ISLR2: variants seen among roughly 807,000 people sequenced by gnomAD.
The protein encoded by ISLR2 is immunoglobulin superfamily containing leucine-rich repeat protein 2.
In ISLR2, 16 loss-of-function variants were observed where a neutral mutation model predicts 25.5. The observed-to-expected ratio is 0.63, with a 90% CI of 0.43 to 0.95. The LOEUF (loss-of-function observed/expected upper bound fraction) is 0.95, where lower values mean the gene tolerates loss of function less well. Among genes scored for constraint, ISLR2 ranks in the 40% least tolerant of loss-of-function variants. The pLI, the probability that ISLR2 is intolerant of heterozygous loss-of-function variation, is 0.00. For synonymous variants in ISLR2, 508 were observed against 486.6 expected (o/e 1.04, Z -0.58); for missense variants, 883 against 1,030.7 (o/e 0.86, Z 1.96).
At chr15:74,128,415 C>T (rs1254373401), upstream of ISLR2, 6 of 454,996 alleles carry the variant, frequency 1.3e-5, no homozygotes, top group Non-Finnish European at 2.6e-5. Context: ...CAGGGGTGGT[C>T]ACCGCGTCCT....
downstream of ISLR2, among the ~76,000 whole-genome samples, chr15:74,138,021 G>A (rs537840104): frequency 5.3e-5 from 8 of 151,982 alleles, no homozygotes; most frequent in African/African-American, 1.7e-4. Context: ...AAACACAAGC[G>A]TTCTGTACAT....
intron 2 of ISLR2, among the ~76,000 whole-genome samples, chr15:74,115,933 C>A (rs1159262769): frequency 1.3e-5 from 2 of 150,006 alleles, no homozygotes; most frequent in African/African-American, 4.9e-5. Flanking sequence ...TGCGGTGGCT[C>A]ACACCAGTAA....
chr15:74,130,579 TAGC>T (rs1370007962), upstream of ISLR2: 9 of 152,562 alleles, frequency 5.9e-5, no homozygotes, highest in African/African-American at 2.2e-4. Flanking sequence ...TGCATTCAAT[TAGC>T]AGCGAAGCTC....
At chr15:74,109,588 C>T (rs2141928516) in intron 2 of ISLR2, among the ~76,000 whole-genome samples, 1 of 152,256 alleles carries the variant, frequency 6.6e-6, no homozygotes, top group African/African-American at 2.4e-5. Context: ...TTTACCATTT[C>T]CTTCTATCTG....
Position 74,133,556 on chromosome 15 carries a change from C to T in ISLR2, c.802C>T (p.Pro268Ser), listed in dbSNP as rs757897783. The change falls in exon 3 of 3, where the codon CCT becomes TCT. Residue 268 changes from proline (P) to serine (S), a missense_variant. Around this residue, in one of 2 missense-constraint regions of ISLR2, gnomAD observed 271 missense variants for 387.9 expected, o/e 0.70. Transcript: ENST00000453268. ...CTGCATCGCCGACGGCCACCCTACG[C>T]CTCGCCTGCAATGGCAACTTCAGAT... ...LHCIADGHPT[P>S]RLQWQLQIPG... is the part of the protein sequence containing the mutation. 1 of 1,614,182 alleles carries T rather than the reference C, an allele frequency of 6.2e-7. No homozygotes were observed. Among genetic ancestry groups the T allele is most frequent in the Non-Finnish European group, 8.5e-7 (1 of 1,180,008 alleles).
upstream of ISLR2, chr15:74,130,488 C>G (rs1025224777): frequency 6.6e-6 from 1 of 152,606 alleles, no homozygotes; most frequent in African/African-American, 2.4e-5. Context: ...CCTTCCCCCC[C>G]CACTTCAGCC....
At chr15:74,131,714 G>T (rs559274592) in intron 2 of ISLR2, among the ~76,000 whole-genome samples, 3 of 152,184 alleles carry the variant, frequency 2.0e-5, no homozygotes, top group Non-Finnish European at 4.4e-5. Context: ...AATGGGAGCC[G>T]CCTGAGGGAC....
chr15:74,130,236 G>A (rs1163650224), upstream of ISLR2: 1 of 151,412 alleles, frequency 6.6e-6, no homozygotes, highest in Non-Finnish European at 1.5e-5. Flanking sequence ...CGGGGCGGGG[G>A]AGACTAGGGC....
chr15:74,117,251 T>C (rs1156985077), intron 2 of ISLR2, among the ~76,000 whole-genome samples: 3 of 152,182 alleles, frequency 2.0e-5, no homozygotes, highest in Admixed American at 6.5e-5. Flanking sequence ...TGCAGGATCT[T>C]TTTCTAAGAA....
At chr15:74,118,955 C>T (rs1430239455) in intron 2 of ISLR2, among the ~76,000 whole-genome samples, 1 of 149,658 alleles carries the variant, frequency 6.7e-6, no homozygotes, top group Non-Finnish European at 1.5e-5. Context: ...CCGCACCTGG[C>T]CTGCTTTTAT....
At chr15:74,111,191 T>C (rs1187832990) in intron 2 of ISLR2, among the ~76,000 whole-genome samples, 1 of 150,386 alleles carries the variant, frequency 6.6e-6, no homozygotes, top group African/African-American at 2.5e-5. Context: ...CATGCACAAC[T>C]TGGATGTATC....
chr15:74,120,380 G>A (rs1010489896), intron 2 of ISLR2, among the ~76,000 whole-genome samples: 11 of 152,144 alleles, frequency 7.2e-5, no homozygotes, highest in African/African-American at 2.7e-4. Context: ...AATTAGCCGG[G>A]TGTGATGGCG....
chr15:74,134,373 C>T lies in ISLR2; in HGVS notation c.1619C>T (p.Ala540Val). Residue 540 changes from alanine to valine, a missense_variant, in exon 3 of 3, where the codon GCA (alanine) becomes GTA (valine). By Grantham distance (64) the Ala-to-Val change is moderately conservative. This residue lies in a region of ISLR2 where 612 missense variants were observed against 642.8 expected (regional missense o/e 0.95). Transcript: ENST00000453268. ...LYLCPAGGGA[A>V]VQWSRVEEGV... Reference sequence around the variant, plus strand: ...CTGTGTCCAGCGGGGGGCGGCGCGGCAGTGCAGTGGTCCCGCGTAGAGGAA... The same window carrying T: ...CTGTGTCCAGCGGGGGGCGGCGCGGTAGTGCAGTGGTCCCGCGTAGAGGAA... The T allele has an allele frequency of 6.2e-7, 1 of 1,604,904 alleles. No homozygotes were observed. Among genetic ancestry groups the T allele is most frequent in the Non-Finnish European group, 8.5e-7 (1 of 1,177,438 alleles).
At chr15:74,120,051 T>A (rs1034002090) in intron 2 of ISLR2, among the ~76,000 whole-genome samples, 1 of 152,174 alleles carries the variant, frequency 6.6e-6, no homozygotes, top group Non-Finnish European at 1.5e-5. Flanking sequence ...TCCATTTAGA[T>A]TGACATATTC....
At chr15:74,109,612 C>T (rs199843756) in intron 2 of ISLR2, among the ~76,000 whole-genome samples, 12 of 151,670 alleles carry the variant, frequency 7.9e-5, no homozygotes, top group African/African-American at 1.5e-4. Flanking sequence ...TGAATGAGAC[C>T]GATTCTCACC....
rs900834291 is a variant in ISLR2 at position 74,133,538 on chromosome 15, G to A, written c.784G>A (p.Ala262Thr). Residue 262 changes from alanine (A) to threonine (T), a missense_variant, in exon 3 of 3, where the codon GCC becomes ACC. Ala to Thr is a moderately conservative substitution (Grantham distance 58, BLOSUM62 0). Coordinates refer to ENST00000453268, the MANE Select transcript of ISLR2 (RefSeq NM_020851.3). ...ACTGGCGTTCGTGTTACACTGCATCGCCGACGGCCACCCTACGCCTCGCCT... is the reference window on the plus strand; with the variant it reads ...ACTGGCGTTCGTGTTACACTGCATCACCGACGGCCACCCTACGCCTCGCCT... ...AGLAFVLHCIADGHPTPRLQW... is the reference protein window; with the variant it reads ...AGLAFVLHCITDGHPTPRLQW... 3 of 1,614,124 alleles carry A rather than the reference G, an allele frequency of 1.9e-6. No homozygotes were observed. Among genetic ancestry groups the A allele is most frequent in the Non-Finnish European group, 2.5e-6 (3 of 1,179,998 alleles).
In ISLR2 at chr15:74,134,195, C is replaced by T. The variant is rs1261791292; in HGVS notation, c.1441C>T (p.Pro481Ser). Reference protein sequence around the residue: ...HAFNQSAELKPHVFELGVIAL... With the variant: ...HAFNQSAELKSHVFELGVIAL... ...GTTCAACCAGAGCGCAGAGCTCAAG[C>T]CGCACGTCTTCGAGCTGGGCGTCAT... is the stretch of plus-strand genomic sequence containing the variant. Residue 481 changes from proline (P) to serine (S), a missense_variant, in exon 3 of 3, where the codon CCG becomes TCG. Around this residue, in one of 2 missense-constraint regions of ISLR2, gnomAD observed 612 missense variants for 642.8 expected, o/e 0.95. Transcript: ENST00000453268. 2.5e-6 allele frequency: 4 copies of T among 1,611,018 alleles called. No homozygotes were observed. In the South Asian group the frequency reaches 3.3e-5, roughly 13 times the overall value.
rs2072542213 is a variant in ISLR2 at position 74,135,141 on chromosome 15, T to G, written c.*149T>G. 1 of 972,090 alleles carries G rather than the reference T, an allele frequency of 1.0e-6. No homozygotes were observed. The highest frequency in any genetic ancestry group is 1.5e-6 in the Non-Finnish European group (1 of 659,692). The allele number at this position is 972,090 out of a possible 1,614,324, so 60.2% of individuals were successfully genotyped here. A position where few individuals can be genotyped will look rare whatever the true frequency, so the allele number is the denominator to read the frequency against. ...TCCCCAACCTTGACTACCAGGGACT[T>G]CTATTAGGGAGTGGGCCGATTTCAC... On this transcript the variant is annotated 3_prime_UTR_variant, in exon 3 of 3. Coordinates refer to ENST00000453268, the MANE Select transcript of ISLR2 (RefSeq NM_020851.3).
Position 74,135,203 on chromosome 15 carries a change from G to A in ISLR2, c.*211G>A, listed in dbSNP as rs887228394. 1.4e-5 allele frequency: 9 copies of A among 622,916 alleles called. No individual in the cohort carries two copies. Among genetic ancestry groups the A allele is most frequent in the Non-Finnish European group, 2.3e-5 (8 of 348,702 alleles). The allele number at this position is 622,916 out of a possible 1,614,324, so 38.6% of individuals were successfully genotyped here. A position where few individuals can be genotyped will look rare whatever the true frequency, so the allele number is the denominator to read the frequency against. On this transcript the variant is annotated 3_prime_UTR_variant, in exon 3 of 3. Transcript: ENST00000453268. ...ACCCACGGCTGCCATTCTCCCTGCG[G>A]GCTGAATCCCCTTCCCCGCCAAGCA...
Sources: gnomAD v4.1 joint callset for allele counts (sites outside exome capture counted in the v4.1 genomes callset) on GRCh38, gnomAD v4.1.1 for gene constraint, gnomAD v4.1.1 regional missense constraint, MANE v1.5 for transcripts, NCBI Gene and HGNC (gene_info 2026-07-23, HGNC 2026-07-21) for gene names.